The following MRC1 variants were observed in gnomAD, a reference collection of about 807,000 sequenced individuals.
MRC1 encodes macrophage mannose receptor 1.
MRC1 carries 62 observed loss-of-function variants against 102.9 expected under a neutral mutation model. The ratio of observed to expected loss-of-function variants is 0.60; its 90% CI spans 0.49 to 0.74. The LOEUF is 0.74. MRC1 is among the 30% of genes least tolerant of loss of function. The pLI, the probability that MRC1 is intolerant of heterozygous loss-of-function variation, is 0.00. For synonymous variants in MRC1, 457 were observed against 298.4 expected (o/e 1.53, Z -5.48); for missense variants, 1,237 against 862.8 (o/e 1.43, Z -5.43).
At chr10:17,860,932 T>G (rs1275130820) in intron 9 of MRC1, among the ~76,000 whole-genome samples, 1 of 152,252 alleles carries the variant, frequency 6.6e-6, no homozygotes, top group Non-Finnish European at 1.5e-5. Context: ...TAATTTTCAT[T>G]GCATTTCAGA....
chr10:17,892,808 G>C (rs1035980968), intron 22 of MRC1, among the ~76,000 whole-genome samples: 1 of 151,786 alleles, frequency 6.6e-6, no homozygotes, highest in East Asian at 1.9e-4. Context: ...TCAAGAGATC[G>C]AGACCATCCT....
intron 24 of MRC1, among the ~76,000 whole-genome samples, 169 bp downstream of exon 24, chr10:17,898,435 T>C (rs1833784773): frequency 6.6e-6 from 1 of 152,210 alleles, no homozygotes; most frequent in Non-Finnish European, 1.5e-5. Flanking sequence ...CGTGATGCCT[T>C]TAAGGATCTG....
At chr10:17,841,065 T>A (rs1247327214) in intron 5 of MRC1, among the ~76,000 whole-genome samples, 1 of 152,216 alleles carries the variant, frequency 6.6e-6, no homozygotes, top group African/African-American at 2.4e-5. Flanking sequence ...AAAGTTTCAG[T>A]TCTCAGAGTA....
intron 4 of MRC1, among the ~76,000 whole-genome samples, chr10:17,838,699 C>T (rs1371968981): frequency 3.3e-5 from 5 of 152,062 alleles, no homozygotes; most frequent in African/African-American, 4.8e-5. Context: ...TGAGGCTGGG[C>T]GCAGTGGCTC....
intron 1 of MRC1, among the ~76,000 whole-genome samples, chr10:17,814,823 C>A (rs1177085460): frequency 3.3e-5 from 5 of 151,588 alleles, no homozygotes. Context: ...CACCACCCTG[C>A]CAGGCTAATT....
chr10:17,853,178 C>T (rs1289263122), intron 8 of MRC1, 54 bp downstream of exon 8: 1 of 778,284 alleles, frequency 1.3e-6, no homozygotes, highest in East Asian at 2.4e-5. Context: ...GGGATTTTTC[C>T]TTCTGTCCCA....
intron 9 of MRC1, among the ~76,000 whole-genome samples, chr10:17,859,961 T>A (rs1833158233): frequency 6.6e-6 from 1 of 152,154 alleles, no homozygotes; most frequent in Non-Finnish European, 1.5e-5. Context: ...GGGCAGAATG[T>A]TCTAGTTCTC....
intron 23 of MRC1, among the ~76,000 whole-genome samples, chr10:17,895,379 A>G (rs1241950423): frequency 6.6e-6 from 1 of 151,910 alleles, no homozygotes; most frequent in Non-Finnish European, 1.5e-5. Context: ...TTTTTTAACC[A>G]GACAGTTTTG....
At chr10:17,842,179 T>G (rs1359833474) in intron 5 of MRC1, among the ~76,000 whole-genome samples, 1 of 152,174 alleles carries the variant, frequency 6.6e-6, no homozygotes, top group Non-Finnish European at 1.5e-5. Context: ...GCCAGGCCAG[T>G]CTCGAACTTC....
intron 17 of MRC1, among the ~76,000 whole-genome samples, chr10:17,875,955 A>G (rs1486702612): frequency 6.6e-6 from 1 of 152,350 alleles, no homozygotes; most frequent in Admixed American, 6.5e-5. Context: ...AATTACAGCC[A>G]TTCTTGCAGG....
chr10:17,903,755 T>C (rs1169846413), intron 26 of MRC1, among the ~76,000 whole-genome samples: 1 of 152,036 alleles, frequency 6.6e-6, no homozygotes, highest in Non-Finnish European at 1.5e-5. Flanking sequence ...TTCTTAGTGG[T>C]TGCCCTAGGG....
intron 9 of MRC1, among the ~76,000 whole-genome samples, chr10:17,861,060 A>G (rs1833177800): frequency 6.6e-6 from 1 of 152,250 alleles, no homozygotes; most frequent in Non-Finnish European, 1.5e-5. Flanking sequence ...CTATAATCCC[A>G]GCACTTTGGG....
intron 24 of MRC1, among the ~76,000 whole-genome samples, chr10:17,900,137 G>A (rs926553060): frequency 7.4e-5 from 11 of 149,266 alleles, no homozygotes; most frequent in African/African-American, 2.7e-4. Flanking sequence ...GACTGTGCAA[G>A]TAGACTAAAA....
intron 3 of MRC1, among the ~76,000 whole-genome samples, chr10:17,831,187 G>A (rs1338127636): frequency 2.0e-5 from 3 of 150,490 alleles, no homozygotes; most frequent in Non-Finnish European, 2.9e-5. Flanking sequence ...GAGCCATGGC[G>A]CCCGCATTTT....
chr10:17,897,338 G>C (rs1833769262), intron 23 of MRC1, among the ~76,000 whole-genome samples: 1 of 152,148 alleles, frequency 6.6e-6, no homozygotes, highest in South Asian at 2.1e-4. Context: ...ACACATGCTA[G>C]GAGCTTGAGG....
At position 17,910,502 on chromosome 10, in the gene MRC1, A is replaced by C. The variant is rs1833954805; in HGVS notation, c.*37A>C. 2 of 780,506 alleles carry C rather than the reference A, an allele frequency of 2.6e-6. No individual in the cohort carries two copies. Among genetic ancestry groups the C allele is most frequent in the Non-Finnish European group, 4.8e-6 (2 of 417,812 alleles). The allele number at this position is 780,506 out of a possible 1,614,324, so 48.3% of individuals were successfully genotyped here. On this transcript the variant is annotated 3_prime_UTR_variant, in exon 30 of 30. Coordinates refer to ENST00000569591, the MANE Select transcript of MRC1 (RefSeq NM_002438.4). ...GATTCTGAGATATTTGAATTTCATA[A>C]AATTGTAACTGAAATTTAAAATTTT... is the stretch of plus-strand genomic sequence containing the variant.
intron 26 of MRC1, among the ~76,000 whole-genome samples, chr10:17,904,334 G>T (rs974803878): frequency 6.6e-6 from 1 of 152,108 alleles, no homozygotes; most frequent in African/African-American, 2.4e-5. Flanking sequence ...TTTTCATTTT[G>T]GTTTAGGAAT....
At chr10:17,908,714 G>C (rs1011733943) in intron 28 of MRC1, among the ~76,000 whole-genome samples, 2 of 152,206 alleles carry the variant, frequency 1.3e-5, no homozygotes, top group East Asian at 3.9e-4. Context: ...GATTACAGGC[G>C]CACGCCACTA....
intron 3 of MRC1, among the ~76,000 whole-genome samples, chr10:17,831,681 C>T (rs1170238778): frequency 6.6e-6 from 1 of 151,274 alleles, no homozygotes; most frequent in Non-Finnish European, 1.5e-5. Context: ...ATAATACTTC[C>T]TTTTTTCCTT....
Sources: allele counts gnomAD v4.1 joint callset (sites outside exome capture counted in the v4.1 genomes callset), GRCh38; gene constraint gnomAD v4.1.1; transcripts MANE v1.5; gene names NCBI Gene and HGNC (gene_info 2026-07-23, HGNC 2026-07-21).